The following STC2 variants were observed in gnomAD, a reference collection of about 807,000 sequenced individuals.
The protein encoded by STC2 is stanniocalcin-2.
STC2 carries 7 observed loss-of-function variants against 22.7 expected under a neutral mutation model. The ratio of observed to expected loss-of-function variants is 0.31; its 90% confidence interval spans 0.18 to 0.58. The LOEUF (loss-of-function observed/expected upper bound fraction) is 0.58. STC2 is among the 20% of genes least tolerant of loss of function. The probability of loss-of-function intolerance (pLI) is 0.89; values close to 1 mark genes in which losing one functional copy is unlikely to be tolerated. For missense variants in STC2, 336 were observed against 406.2 expected (o/e 0.83, Z 1.48); for synonymous variants, 158 against 163.4 (o/e 0.97, Z 0.25).
rs920371371 is a variant in STC2, at chr5:173,317,246, T to G, written c.*601A>C. ...CAGAAATTACACATAGAAATGACAC[T>G]CCTCCCTCCACCCTCGCCAAGAGCT... On this transcript the variant is annotated 3_prime_UTR_variant, in exon 4 of 4. Transcript: ENST00000265087. 22 of 152,060 alleles carry G rather than the reference T, an allele frequency of 1.4e-4. No individual in the cohort carries two copies. The highest frequency in any genetic ancestry group is 4.9e-4 in the African/African-American group (20 of 41,228). The allele number at this position is 152,060 out of a possible 1,614,324, so 9.4% of individuals were successfully genotyped here. A position where few individuals can be genotyped will look rare whatever the true frequency, so the allele number is the denominator to read the frequency against.
At chr5:173,327,986 G>T (rs573380784) in intron 1 of STC2, 57 bp downstream of exon 1, 13 of 1,391,156 alleles carry the variant, frequency 9.3e-6, no homozygotes, top group Middle Eastern at 2.6e-4. Context: ...GGCGCGCCGC[G>T]TGGGTGCACG....
rs956952943 is a variant in STC2 at position 173,315,232 on chromosome 5, C to T, written c.*2615G>A. 2.0e-5 allele frequency: 3 copies of T among 152,158 alleles called. No homozygotes were observed. The highest frequency in any genetic ancestry group is 6.5e-5 in the Admixed American group (1 of 15,270). The allele number at this position is 152,158 out of a possible 1,614,324, so 9.4% of individuals were successfully genotyped here. On this transcript the variant is annotated 3_prime_UTR_variant, in exon 4 of 4. Transcript: ENST00000265087. ...GTAGAGGGTGTATTTTTAATGACTA[C>T]TTTGCTTACATTTTAGATTGTGCAA...
chr5:173,317,949 G>A lies in STC2; in HGVS notation c.807C>T (p.Asn269=), dbSNP rs775023312. ...CCCCGACTCTGCCTCGGGCATGGGC[G>A]TTTGGGTGGCTCTTGCTACCTCGCT... ...KGERGSKSHP[N]AHARGRVGGL... The change falls in exon 4 of 4, where the codon AAC becomes AAT. Residue 269 remains asparagine, a synonymous_variant. Coordinates refer to ENST00000265087, the MANE Select transcript of STC2 (RefSeq NM_003714.3). The A allele has an allele frequency of 8.4e-5, 135 of 1,613,348 alleles. No homozygotes were observed. The highest frequency in any genetic ancestry group is 1.1e-4 in the Non-Finnish European group (128 of 1,179,954).
intron 3 of STC2, among the ~76,000 whole-genome samples, chr5:173,320,281 G>A (rs1350165409): frequency 1.3e-5 from 2 of 152,206 alleles, no homozygotes; most frequent in Non-Finnish European, 2.9e-5. Flanking sequence ...GCCCCCAGAA[G>A]CCCAGGGCGG....
chr5:173,323,447 CG>C lies in STC2; in HGVS notation c.295-18del. 1.3e-6 allele frequency: 2 copies of C among 1,593,422 alleles called. No individual in the cohort carries two copies. Among genetic ancestry groups the C allele is most frequent in the South Asian group, 2.3e-5 (2 of 88,272 alleles). ...TGACTTGCCCTGAGAACACACAGGC[CG>C]GGGAAGGGAGAGAGGGGCAGAAAGC... is the stretch of plus-strand genomic sequence containing the variant. On this transcript the variant is annotated intron_variant, in intron 2 of 3. Coordinates refer to ENST00000265087, the MANE Select transcript of STC2 (RefSeq NM_003714.3). This position sits in a 1 kb window ranked among gnomAD's most constrained non-coding sequence, Gnocchi z 5.4.
intron 2 of STC2, among the ~76,000 whole-genome samples, chr5:173,324,542 C>T (rs1048783514): frequency 1.3e-5 from 2 of 152,198 alleles, no homozygotes; most frequent in Non-Finnish European, 1.5e-5. Context: ...ACCATGTGGC[C>T]CGCATGGCCT....
In STC2 at chr5:173,323,428, G is replaced by A. The variant is rs1376081212; in HGVS notation, c.297C>T (p.Gly99=). 1.2e-6 allele frequency: 2 copies of A among 1,608,838 alleles called. No homozygotes were observed. The highest frequency in any genetic ancestry group is 1.7e-6 in the Non-Finnish European group (2 of 1,177,462). The change falls in exon 3 of 4, where the codon GGC becomes GGT. Residue 99 remains glycine (G), a splice_region_variant and synonymous_variant. Coordinates refer to ENST00000265087, the MANE Select transcript of STC2 (RefSeq NM_003714.3). This position sits in a 1 kb window ranked among gnomAD's most constrained non-coding sequence, Gnocchi z 5.4. Reference sequence around the variant, plus strand: ...TCAAGGCGTCTTTGATGAATGACTTGCCCTGAGAACACACAGGCCGGGGAA... The same window carrying A: ...TCAAGGCGTCTTTGATGAATGACTTACCCTGAGAACACACAGGCCGGGGAA... ...LHNAGKFDAQ[G]KSFIKDALKC...
chr5:173,318,163 T>C lies in STC2; in HGVS notation c.593A>G (p.Glu198Gly). 1 of 1,602,458 alleles carries C rather than the reference T, an allele frequency of 6.2e-7. No individual in the cohort carries two copies. The highest frequency in any genetic ancestry group is 1.1e-5 in the South Asian group (1 of 90,096). Residue 198 changes from glutamate to glycine, a missense_variant, in exon 4 of 4, where the codon GAG becomes GGG. Transcript: ENST00000265087. ...GGAGCACAGGCTTCCCCAGTTCTGCTCACACTGAACCTGCACGCTGTGGGT... is the reference window on the plus strand; with the variant it reads ...GGAGCACAGGCTTCCCCAGTTCTGCCCACACTGAACCTGCACGCTGTGGGT... Reference protein sequence around the residue: ...AITHSVQVQCEQNWGSLCSIL... With the variant: ...AITHSVQVQCGQNWGSLCSIL...
chr5:173,322,168 G>A (rs746057285), intron 3 of STC2, among the ~76,000 whole-genome samples: 12 of 152,160 alleles, frequency 7.9e-5, no homozygotes, highest in Non-Finnish European at 1.8e-4. Context: ...AAATTATACC[G>A]ATTTGGCTCA....
At chr5:173,319,388 G>C (rs556123333) in intron 3 of STC2, among the ~76,000 whole-genome samples, 1 of 152,266 alleles carries the variant, frequency 6.6e-6, no homozygotes, top group East Asian at 1.9e-4. Flanking sequence ...GGCAGTCCTC[G>C]CTGGCAAAGT....
chr5:173,320,464 C>T (rs915078460), intron 3 of STC2, among the ~76,000 whole-genome samples: 2 of 152,194 alleles, frequency 1.3e-5, no homozygotes, highest in African/African-American at 4.8e-5. Context: ...CAGCCCGTGT[C>T]TAATGACAAA....
At position 173,317,792 on chromosome 5, in the gene STC2, A is replaced by C. The variant is rs1285101806; in HGVS notation, c.*55T>G. 2.7e-5 allele frequency: 41 copies of C among 1,512,764 alleles called. No homozygotes were observed. The highest frequency in any genetic ancestry group is 3.5e-5 in the Non-Finnish European group (39 of 1,128,606). The allele number at this position is 1,512,764 out of a possible 1,614,324, so 93.7% of individuals were successfully genotyped here. ...TAATGGTAAATGTTTTGGAATGTCC[A>C]TAGATAAGAAAATGGACGGCGTGGA... is the stretch of plus-strand genomic sequence containing the variant. On this transcript the variant is annotated 3_prime_UTR_variant, in exon 4 of 4. Transcript: ENST00000265087.
chr5:173,323,483 C>G lies in STC2; in HGVS notation c.295-53G>C. ...GAGAGGGGCAGAAAGCAGAAGACCT[C>G]GTTACATGCTTGGACATTTCAGCCC... On this transcript the variant is annotated intron_variant, in intron 2 of 3. Coordinates refer to ENST00000265087, the MANE Select transcript of STC2 (RefSeq NM_003714.3). This position sits in a 1 kb window ranked among gnomAD's most constrained non-coding sequence, Gnocchi z 5.4. 1 of 1,495,308 alleles carries G rather than the reference C, an allele frequency of 6.7e-7. No homozygotes were observed. Among genetic ancestry groups the G allele is most frequent in the Non-Finnish European group, 9.1e-7 (1 of 1,095,920 alleles). 92.6% of individuals were successfully genotyped at this position (1,495,308 alleles called of 1,614,324 possible). A position where few individuals can be genotyped will look rare whatever the true frequency, so the allele number is the denominator to read the frequency against.
chr5:173,327,449 G>C (rs1368663909), intron 1 of STC2, among the ~76,000 whole-genome samples: 1 of 152,252 alleles, frequency 6.6e-6, no homozygotes, highest in African/African-American at 2.4e-5. Context: ...ACCTGGCCAG[G>C]AGCTGGGGAT....
chr5:173,322,630 C>T (rs1458655597), intron 3 of STC2, among the ~76,000 whole-genome samples: 5 of 152,232 alleles, frequency 3.3e-5, no homozygotes, highest in East Asian at 3.9e-4. Flanking sequence ...GCTCTGTTTT[C>T]GGGATTTAAG....
chr5:173,322,988 C>T, intron 3 of STC2: 1 of 571,858 alleles, frequency 1.7e-6, no homozygotes, highest in South Asian at 2.1e-5. Context: ...AAACGATTTC[C>T]CATTTCTGTT....
Position 173,325,690 on chromosome 5 carries a change from G to A in STC2, c.294+178C>T. The A allele has an allele frequency of 1.2e-6, 1 of 830,852 alleles. No individual in the cohort carries two copies. Among genetic ancestry groups the A allele is most frequent in the Non-Finnish European group, 1.9e-6 (1 of 520,826 alleles). The allele number at this position is 830,852 out of a possible 1,614,324, so 51.5% of individuals were successfully genotyped here. On this transcript the variant is annotated intron_variant, in intron 2 of 3. Coordinates refer to ENST00000265087, the MANE Select transcript of STC2 (RefSeq NM_003714.3). This position sits in a 1 kb window ranked among gnomAD's most constrained non-coding sequence, Gnocchi z 4.7. ...AGTCCACCCTGCCTGTGTAGACACA[G>A]CTTATGAGTGCAGAAGGGAGACACT...
Position 173,317,867 on chromosome 5 carries a change from A to G in STC2, c.889T>C (p.Tyr297His). 6.3e-7 allele frequency: 1 copy of G among 1,589,824 alleles called. No homozygotes were observed. The highest frequency in any genetic ancestry group is 8.6e-7 in the Non-Finnish European group (1 of 1,164,820). Reference protein sequence around the residue: ...SSEWEDEQSEYSDIRR With the variant: ...SSEWEDEQSEHSDIRR Reference sequence around the variant, plus strand: ...TCATTTCACCTCCGGATATCAGAATACTCAGACTGTTCGTCTTCCCACTCG... The same window carrying G: ...TCATTTCACCTCCGGATATCAGAATGCTCAGACTGTTCGTCTTCCCACTCG... The change falls in exon 4 of 4, where the codon TAT (tyrosine) becomes CAT (histidine). Residue 297 changes from tyrosine (Y) to histidine (H), a missense_variant. By Grantham distance (83) the Tyr-to-His change is moderately conservative (BLOSUM62 2). Around this residue, in one of 3 missense-constraint regions of STC2, gnomAD observed 215 missense variants for 231.5 expected, o/e 0.93. Transcript: ENST00000265087.
intron 1 of STC2, among the ~76,000 whole-genome samples, chr5:173,327,343 C>T (rs1018364315): frequency 6.6e-6 from 1 of 152,254 alleles, no homozygotes; most frequent in Non-Finnish European, 1.5e-5. Context: ...GTGCCCTGCA[C>T]GCCTGGCTCT....
Sources: allele counts gnomAD v4.1 joint callset (sites outside exome capture counted in the v4.1 genomes callset), GRCh38; gene constraint gnomAD v4.1.1; regional missense constraint gnomAD v4.1.1; non-coding constraint Gnocchi (gnomAD v3.1); transcripts MANE v1.5; gene names NCBI Gene and HGNC (gene_info 2026-07-23, HGNC 2026-07-21).